The following PRMT7 variants were observed in gnomAD, a reference collection of about 807,000 sequenced individuals.
PRMT7 encodes the protein protein arginine N-methyltransferase 7.
PRMT7 carries 75 observed loss-of-function variants against 85.4 expected under a neutral mutation model. The observed-to-expected ratio is 0.88, with a 90% confidence interval of 0.73 to 1.06. The LOEUF (loss-of-function observed/expected upper bound fraction) is 1.06. Among genes scored for constraint, PRMT7 ranks in the 50% least tolerant of loss-of-function variants. The probability of loss-of-function intolerance (pLI) is 0.00; values close to 1 mark genes in which losing one functional copy is unlikely to be tolerated. For missense variants in PRMT7, 868 were observed against 915.2 expected, an observed-to-expected ratio of 0.95 and a Z score of 0.67; for synonymous variants, 397 against 359.5, an observed-to-expected ratio of 1.10 and a Z score of -1.18.
At chr16:68,315,730 G>T in intron 2 of PRMT7, 167 bp from the exon 3 acceptor site, 1 of 463,996 alleles carries the variant, frequency 2.2e-6, no homozygotes, top group Non-Finnish European at 3.9e-6. Flanking sequence ...TTACAATATC[G>T]ATTAACAAAT....
In PRMT7 at chr16:68,339,852, A is replaced by G; in HGVS notation, c.811A>G (p.Thr271Ala). The G allele has an allele frequency of 4.3e-6, 7 of 1,614,216 alleles. No individual in the cohort carries two copies. Among genetic ancestry groups the G allele is most frequent in the Non-Finnish European group, 5.9e-6 (7 of 1,180,012 alleles). Residue 271 changes from threonine (T) to alanine (A), a missense_variant, in exon 9 of 19, where the codon ACA becomes GCA. Thr to Ala is a moderately conservative substitution (Grantham distance 58). Transcript: ENST00000441236. ...CCATAGCAGGCGGTTTGAACCTCTG[A>G]CATCTGGCCGAGCTCAGGTGGTTCT... ...ACHSRRFEPL[T>A]SGRAQVVLSW...
chr16:68,357,471 G>T lies in PRMT7; in HGVS notation c.*247G>T. 2.0e-6 allele frequency: 1 copy of T among 489,000 alleles called. No individual in the cohort carries two copies. The highest frequency in any genetic ancestry group is 3.6e-6 in the Non-Finnish European group (1 of 277,974). The allele number at this position is 489,000 out of a possible 1,614,324, so 30.3% of individuals were successfully genotyped here. On this transcript the variant is annotated 3_prime_UTR_variant, in exon 19 of 19. Transcript: ENST00000441236. ...AGGGGCTGGGAAGACCCCCCTGCTT[G>T]TGCTTCTGAGGTGCTGAGAATGCTC...
rs748592120 is a variant in PRMT7, at chr16:68,353,527, C to T, written c.1611C>T (p.Cys537=). 4.4e-6 allele frequency: 7 copies of T among 1,604,254 alleles called. No homozygotes were observed. The South Asian group carries it at 4.5e-5, about 10-fold the overall frequency. Residue 537 remains cysteine (C), a synonymous_variant, in exon 16 of 19, where the codon TGC becomes TGT. Transcript: ENST00000441236. ...GGATCCGGAGCCCCTGTGGTGACTG[C>T]GAAGGCTTCGACGTGCACATCATGG... is the stretch of plus-strand genomic sequence containing the variant. The part of the protein sequence containing the change: ...LWRIRSPCGD[C]EGFDVHIMDD...
chr16:68,330,098 T>C (rs1347534546), intron 6 of PRMT7, among the ~76,000 whole-genome samples: 1 of 152,070 alleles, frequency 6.6e-6, no homozygotes, highest in Non-Finnish European at 1.5e-5. Flanking sequence ...TTCACCATGT[T>C]GGCCAGGCTG....
chr16:68,346,548 G>A (rs1166613897), intron 11 of PRMT7, among the ~76,000 whole-genome samples: 1 of 144,258 alleles, frequency 6.9e-6, no homozygotes, highest in Non-Finnish European at 1.5e-5. Context: ...CACAGTCATT[G>A]CTGTGGGTGG....
chr16:68,332,554 C>T (rs1427110032), intron 6 of PRMT7, among the ~76,000 whole-genome samples: 2 of 152,210 alleles, frequency 1.3e-5, no homozygotes, highest in South Asian at 4.1e-4. Context: ...AGATTGTTAT[C>T]ACTCATGCAA....
intron 7 of PRMT7, among the ~76,000 whole-genome samples, chr16:68,338,309 T>C (rs2084993708): frequency 6.6e-6 from 1 of 151,962 alleles, no homozygotes. Context: ...ATATCGATGC[T>C]AGGGTTTGGG....
At chr16:68,321,914 T>G (rs2082541612) in intron 4 of PRMT7, among the ~76,000 whole-genome samples, 1 of 152,126 alleles carries the variant, frequency 6.6e-6, no homozygotes, top group Middle Eastern at 3.2e-3. Context: ...ATCCTCTCCC[T>G]TAGCAGGTAC....
At chr16:68,346,088 C>G in intron 10 of PRMT7, 57 bp from the exon 11 acceptor site, 3 of 1,606,276 alleles carry the variant, frequency 1.9e-6, no homozygotes, top group Non-Finnish European at 2.5e-6. Context: ...TTCATGCCCT[C>G]TGGAGACCTG....
In PRMT7 at chr16:68,344,937, C is replaced by CACACACACACACACAT. The variant is rs1555563435; in HGVS notation, c.928-723_928-722insTACACACACACACACA. On this transcript the variant is annotated intron_variant, in intron 9 of 18. Coordinates refer to ENST00000441236, the MANE Select transcript of PRMT7 (RefSeq NM_019023.5). ...CTGCCTCCCTTCCTGCATCTCTACA[C>CACACACACACACACAT]ACACACACACACACACACACGGGCA... 2.1e-5 allele frequency among the ~76,000 whole-genome samples: 3 copies of CACACACACACACACAT among 140,388 alleles called. 1 individual carries two copies. Among genetic ancestry groups the CACACACACACACACAT allele is most frequent in the African/African-American group, 5.4e-5 (2 of 36,972 alleles). The allele number at this position is 140,388 out of a possible 152,430, so 92.1% of individuals were successfully genotyped here.
intron 15 of PRMT7, among the ~76,000 whole-genome samples, chr16:68,352,914 T>A (rs760247836): frequency 1.4e-4 from 22 of 152,262 alleles, no homozygotes; most frequent in Admixed American, 6.5e-5. Context: ...TCTCATTTGA[T>A]GAGAGTGGTT....
intron 5 of PRMT7, among the ~76,000 whole-genome samples, chr16:68,325,680 A>C (rs1341045458): frequency 1.3e-5 from 2 of 151,692 alleles, no homozygotes; most frequent in Non-Finnish European, 1.5e-5. Context: ...AATCCCAGCT[A>C]CTCAGGAGGC....
At position 68,352,317 on chromosome 16, in the gene PRMT7, T is replaced by G; in HGVS notation, c.1483T>G (p.Tyr495Asp). ...GCCGTGGCACAACCTCTACTTCTGG[T>G]ACGTGCGGACCGCTGTGGACCAGCA... ...LLPWHNLYFW[Y>D]VRTAVDQHLG... Residue 495 changes from tyrosine (Y) to aspartate (D), a missense_variant, in exon 15 of 19, where the codon TAC becomes GAC. Coordinates refer to ENST00000441236, the MANE Select transcript of PRMT7 (RefSeq NM_019023.5). 1 of 1,613,406 alleles carries G rather than the reference T, an allele frequency of 6.2e-7. No homozygotes were observed. Among genetic ancestry groups the G allele is most frequent in the South Asian group, 1.1e-5 (1 of 91,078 alleles).
intron 5 of PRMT7, among the ~76,000 whole-genome samples, chr16:68,325,759 C>T (rs972986725): frequency 3.9e-5 from 6 of 152,140 alleles, no homozygotes; most frequent in African/African-American, 1.4e-4. Flanking sequence ...CCACTGCACT[C>T]CAGCCTGGGC....
In PRMT7 at chr16:68,337,575, G is replaced by A; in HGVS notation, c.504+4G>A. 6.3e-7 allele frequency: 1 copy of A among 1,590,926 alleles called. No homozygotes were observed. Among genetic ancestry groups the A allele is most frequent in the Non-Finnish European group, 8.6e-7 (1 of 1,162,720 alleles). On this transcript the variant is annotated splice_donor_region_variant and intron_variant, in intron 7 of 18. Coordinates refer to ENST00000441236, the MANE Select transcript of PRMT7 (RefSeq NM_019023.5). Reference sequence around the variant, plus strand: ...CGCACACAGGCATCTCGTGGAGGTAGTAGACGGAGGGCTCCCTCAGACGTG... The same window carrying A: ...CGCACACAGGCATCTCGTGGAGGTAATAGACGGAGGGCTCCCTCAGACGTG...
intron 3 of PRMT7, chr16:68,319,068 G>A (rs1247962805): frequency 6.6e-6 from 1 of 152,290 alleles, no homozygotes; most frequent in African/African-American, 2.4e-5. Flanking sequence ...GAATGACAAA[G>A]TGGATGGGGC....
At chr16:68,313,218 A>G (rs55736051) in intron 2 of PRMT7, among the ~76,000 whole-genome samples, 1,829 of 152,238 alleles carry the variant, frequency 0.012, 42 homozygotes, top group African/African-American at 0.042. Context: ...GTTCTTCACT[A>G]TAAGTTTTTT....
intron 6 of PRMT7, among the ~76,000 whole-genome samples, chr16:68,329,876 T>TACAC (rs6145876): frequency 6.2e-4 from 92 of 148,810 alleles, no homozygotes; most frequent in Admixed American, 1.4e-3. Flanking sequence ...TATGTATATG[T>TACAC]ACACACACAC....
chr16:68,312,523 A>C (rs751807025), intron 2 of PRMT7, among the ~76,000 whole-genome samples: 55 of 152,252 alleles, frequency 3.6e-4, no homozygotes, highest in East Asian at 7.7e-4. Context: ...GGTGTGAGCC[A>C]CCACCGCCTA....
Sources: gnomAD v4.1 joint callset for allele counts (sites outside exome capture counted in the v4.1 genomes callset) on GRCh38, gnomAD v4.1.1 for gene constraint, MANE v1.5 for transcripts, NCBI Gene and HGNC (gene_info 2026-07-23, HGNC 2026-07-21) for gene names.